The following EVC variants were observed in gnomAD, a reference collection of about 807,000 sequenced individuals.
EVC encodes EvC ciliary complex subunit 1.
EVC carries 116 observed loss-of-function variants against 118.9 expected under a neutral mutation model. That is an observed-to-expected ratio of 0.98 (90% CI 0.84 to 1.14). The LOEUF is 1.14. EVC is among the 50% of genes most tolerant of loss of function. The pLI, the probability that EVC is intolerant of heterozygous loss-of-function variation, is 0.00. For missense variants in EVC, 1,401 were observed against 1,246.4 expected (o/e 1.12, Z -1.87); for synonymous variants, 619 against 534.7 (o/e 1.16, Z -2.18).
rs1275700686 is a variant in EVC at position 5,797,035 on chromosome 4, G to T, written c.1900G>T (p.Val634Phe). ...CTTTCCTCAAAGGTCCACGCGGTGT[G>T]TCCTGCAGGGGCATGACCTGCTGTT... Reference protein sequence around the residue: ...GGLTEESTRCVLQGHDLLLRS... With the variant: ...GGLTEESTRCFLQGHDLLLRS... The change falls in exon 14 of 21, where the codon GTC becomes TTC. Residue 634 changes from valine (V) to phenylalanine (F), a missense_variant. Physicochemically the swap from Val to Phe is conservative, Grantham distance 50. Coordinates refer to ENST00000264956, the MANE Select transcript of EVC (RefSeq NM_153717.3). 6.8e-6 allele frequency: 11 copies of T among 1,612,820 alleles called. No homozygotes were observed. The highest frequency in any genetic ancestry group is 1.1e-5 in the South Asian group (1 of 91,086).
chr4:5,756,836 C>T lies in EVC; in HGVS notation c.1563+474C>T, dbSNP rs903737933. On this transcript the variant is annotated intron_variant, in intron 11 of 20. Coordinates refer to ENST00000264956, the MANE Select transcript of EVC (RefSeq NM_153717.3). This position sits in a 1 kb window ranked among gnomAD's most constrained non-coding sequence, Gnocchi z 4.2. ...CATGCTTGCCCTGCAGGGTGACTTT[C>T]AGAGAGCAGGAGAGGGCACCTGAGC... 6.6e-6 allele frequency among the ~76,000 whole-genome samples: 1 copy of T among 152,090 alleles called. No homozygotes were observed. Among genetic ancestry groups the T allele is most frequent in the Admixed American group, 6.5e-5 (1 of 15,274 alleles).
chr4:5,802,192 T>A, intron 16 of EVC, 98 bp downstream of exon 16: 1 of 1,480,386 alleles, frequency 6.8e-7, no homozygotes, highest in Non-Finnish European at 9.4e-7. Flanking sequence ...AATTTTATTT[T>A]TGGGAATATA....
At chr4:5,767,364 C>T (rs1263872421) in intron 11 of EVC, among the ~76,000 whole-genome samples, 3 of 132,964 alleles carry the variant, frequency 2.3e-5, no homozygotes, top group African/African-American at 5.2e-5. Context: ...TTTGTCTGTG[C>T]CCTGCCCCCG....
chr4:5,780,153 T>G (rs1343832718), intron 11 of EVC, among the ~76,000 whole-genome samples: 1 of 152,214 alleles, frequency 6.6e-6, no homozygotes, highest in Non-Finnish European at 1.5e-5. Flanking sequence ...TTTATTGATT[T>G]GCGTATATTG....
chr4:5,738,323 G>A lies in EVC; in HGVS notation c.703-3393G>A, dbSNP rs1028470225. Among the ~76,000 whole-genome samples the A allele has an allele frequency of 6.6e-6, 1 of 152,158 alleles. No individual in the cohort carries two copies. Among genetic ancestry groups the A allele is most frequent in the Non-Finnish European group, 1.5e-5 (1 of 68,028 alleles). On this transcript the variant is annotated intron_variant, in intron 5 of 20. Transcript: ENST00000264956. This position sits in a 1 kb window ranked among gnomAD's most constrained non-coding sequence, Gnocchi z 6.5. ...GTGAACATTGTTGAAATGACAAAAA[G>A]GATTTAGAATACTATGTAAACTTAT...
intron 17 of EVC, among the ~76,000 whole-genome samples, chr4:5,805,341 C>T (rs762603315): frequency 6.6e-5 from 10 of 152,202 alleles, no homozygotes; most frequent in Non-Finnish European, 1.2e-4. Context: ...TGCTGGAGGT[C>T]AGAAGGCAGG....
At chr4:5,815,166 T>C (rs1004848407), downstream of EVC, among the ~76,000 whole-genome samples, 3 of 151,980 alleles carry the variant, frequency 2.0e-5, no homozygotes, top group African/African-American at 7.2e-5. Flanking sequence ...CATTGTAAAC[T>C]GTAAGGAATG....
chr4:5,792,393 T>G lies in EVC; in HGVS notation c.1777-1215T>G, dbSNP rs551565563. On this transcript the variant is annotated intron_variant, in intron 12 of 20. Coordinates refer to ENST00000264956, the MANE Select transcript of EVC (RefSeq NM_153717.3). The stretch of plus-strand genomic sequence containing the variant: ...TGAATTATACTTTAGGCAGAAAACT[T>G]TTTTTAGGGATAAAGAGAGTCATTG... 2.4e-3 allele frequency among the ~76,000 whole-genome samples: 358 copies of G among 152,312 alleles called. 2 individuals are homozygous for G. The highest frequency in any genetic ancestry group is 1.4e-3 in the Non-Finnish European group (94 of 68,030).
intron 11 of EVC, among the ~76,000 whole-genome samples, chr4:5,757,067 G>A (rs947878945): frequency 3.9e-5 from 6 of 152,312 alleles, no homozygotes; most frequent in African/African-American, 1.4e-4. Context: ...GACCACAGGA[G>A]CATCACTTGG....
At chr4:5,788,527 C>T (rs955730350) in intron 12 of EVC, among the ~76,000 whole-genome samples, 8 of 152,182 alleles carry the variant, frequency 5.3e-5, no homozygotes, top group South Asian at 2.1e-4. Context: ...CAAAAACAGC[C>T]GTTGCTCTTC....
At chr4:5,745,088 T>G in intron 6 of EVC, 116 bp from the exon 7 acceptor site, 1 of 1,046,698 alleles carries the variant, frequency 9.6e-7, no homozygotes, top group Non-Finnish European at 1.4e-6. Flanking sequence ...CATTTAACTA[T>G]TGTTTAAAAA....
downstream of EVC, among the ~76,000 whole-genome samples, chr4:5,818,841 T>TA (rs1373266753): frequency 1.3e-5 from 2 of 152,294 alleles, no homozygotes; most frequent in Non-Finnish European, 2.9e-5. Flanking sequence ...GGTATTCAGT[T>TA]ACAGTGATGC....
At chr4:5,757,518 C>G (rs1276195431) in intron 11 of EVC, among the ~76,000 whole-genome samples, 1 of 152,242 alleles carries the variant, frequency 6.6e-6, no homozygotes, top group East Asian at 1.9e-4. Flanking sequence ...TCTCAAGGTT[C>G]TGGAGGCTGA....
intron 11 of EVC, among the ~76,000 whole-genome samples, chr4:5,768,860 A>T (rs7657400): frequency 0.018 from 2,750 of 151,836 alleles, 112 homozygotes; most frequent in African/African-American, 0.063. Flanking sequence ...TGTCTCAAAA[A>T]AAAAAAGAAA....
intron 11 of EVC, among the ~76,000 whole-genome samples, chr4:5,757,608 G>T (rs1300181363): frequency 1.3e-5 from 2 of 152,204 alleles, no homozygotes; most frequent in Non-Finnish European, 2.9e-5. Context: ...CCTTCCCGTT[G>T]CCTCCTCACA....
the EVC span, chr4:5,825,141 T>C: frequency 1.0e-6 from 1 of 985,418 alleles, no homozygotes; most frequent in Non-Finnish European, 1.2e-6. This position sits in a 1 kb window ranked among gnomAD's most constrained non-coding sequence, Gnocchi z 4.4. Flanking sequence ...AAATGGCAGC[T>C]ACTCCCATCT....
intron 2 of EVC, among the ~76,000 whole-genome samples, chr4:5,726,802 A>G (rs560668256): frequency 2.2e-5 from 3 of 138,324 alleles, no homozygotes; most frequent in South Asian, 2.3e-4. Context: ...ATTCCCACCT[A>G]TGAGTGAGAA....
chr4:5,803,059 C>A (rs774575495), intron 16 of EVC, among the ~76,000 whole-genome samples: 7 of 152,208 alleles, frequency 4.6e-5, no homozygotes, highest in African/African-American at 1.7e-4. Context: ...AGAATTTTCC[C>A]GCATGGGCTC....
At chr4:5,728,405 AT>A (rs1276217599) in intron 2 of EVC, among the ~76,000 whole-genome samples, 65 of 151,450 alleles carry the variant, frequency 4.3e-4, no homozygotes, top group African/African-American at 1.5e-3. Flanking sequence ...AATGCTTGTG[AT>A]TTTTGTACAT....
Sources: gnomAD v4.1 joint callset for allele counts (sites outside exome capture counted in the v4.1 genomes callset) on GRCh38, gnomAD v4.1.1 for gene constraint, Gnocchi (gnomAD v3.1) non-coding constraint, MANE v1.5 for transcripts, NCBI Gene and HGNC (gene_info 2026-07-23, HGNC 2026-07-21) for gene names.